GNL3L: variants seen among roughly 807,000 people sequenced by gnomAD.
The protein encoded by GNL3L is guanine nucleotide-binding protein-like 3-like protein.
Under a neutral mutation model 42.9 loss-of-function variants are expected in GNL3L, and 4 were observed. The ratio of observed to expected loss-of-function variants is 0.09; its 90% CI spans 0.05 to 0.21. The LOEUF (loss-of-function observed/expected upper bound fraction) is 0.21, where lower values mean the gene tolerates loss of function less well. Ranked by LOEUF, GNL3L falls within the 10% of genes least tolerant of loss-of-function variation. The probability of loss-of-function intolerance (pLI) is 1.00; values close to 1 mark genes in which losing one functional copy is unlikely to be tolerated. For missense variants in GNL3L, 412 were observed against 481.7 expected (o/e 0.86, Z 1.36); for synonymous variants, 159 against 176.3 (o/e 0.90, Z 0.78).
chrX:54,584,711 A>G (rs1002698347), intron 16 of GNL3L, among the ~76,000 whole-genome samples: 7 of 112,755 alleles, frequency 6.2e-5, no homozygotes, highest in Non-Finnish European at 1.3e-4. Context: ...CAGTGGTGGG[A>G]TTCCTGGATC....
chrX:54,551,809 T>A, intron 11 of GNL3L, 23 bp from the exon 12 acceptor site: 2 of 1,211,175 alleles, frequency 1.7e-6, no homozygotes, highest in Non-Finnish European at 2.2e-6. Context: ...CCTCATGACT[T>A]CTCTCCTTCC....
At chrX:54,569,818 A>G (rs5915139), downstream of GNL3L, among the ~76,000 whole-genome samples, 39,523 of 111,098 alleles carry the variant, frequency 0.36, 8,471 homozygotes, top group African/African-American at 0.8. Context: ...TGATTTTTGT[A>G]TTACTTAGAA....
chrX:54,613,683 G>T (rs1317649199), intron 16 of GNL3L, among the ~76,000 whole-genome samples: 1 of 110,682 alleles, frequency 9.0e-6, no homozygotes, highest in African/African-American at 3.3e-5. Context: ...CTGTCTTCTG[G>T]GTCTAGCTAC....
chrX:54,629,859 G>A, the GNL3L span, among the ~76,000 whole-genome samples: 4 of 111,532 alleles, frequency 3.6e-5, no homozygotes, highest in Non-Finnish European at 5.7e-5. Context: ...CTGTCTGATC[G>A]AATTCAGCTG....
chrX:54,638,890 T>G, the GNL3L span, among the ~76,000 whole-genome samples: 1 of 111,921 alleles, frequency 8.9e-6, no homozygotes, highest in Admixed American at 9.5e-5. Flanking sequence ...GTCCTCTAGA[T>G]CTAAGGTTCT....
chrX:54,580,636 C>T (rs948841827), intron 16 of GNL3L, among the ~76,000 whole-genome samples: 14 of 111,504 alleles, frequency 1.3e-4, no homozygotes, highest in African/African-American at 2.6e-4. Flanking sequence ...AGTGTTCCTA[C>T]TTCTCCACAT....
chrX:54,595,651 T>C (rs1347339728), intron 16 of GNL3L, among the ~76,000 whole-genome samples: 1 of 111,913 alleles, frequency 8.9e-6, no homozygotes, highest in African/African-American at 3.2e-5. Context: ...ACCTCTTCTT[T>C]AAGGCCAATA....
chrX:54,548,523 G>A, intron 9 of GNL3L, 150 bp downstream of exon 9: 1 of 481,890 alleles, frequency 2.1e-6, no homozygotes, highest in Non-Finnish European at 3.5e-6. Flanking sequence ...TTGGATGGGT[G>A]GGCATCACTG....
chrX:54,602,630 A>T (rs1377322713), intron 16 of GNL3L, among the ~76,000 whole-genome samples: 2 of 110,739 alleles, frequency 1.8e-5, no homozygotes, highest in Non-Finnish European at 3.8e-5. Flanking sequence ...ATTACATAAA[A>T]CTCTTGTCTT....
At chrX:54,534,692 T>C (rs1424349141) in intron 2 of GNL3L, among the ~76,000 whole-genome samples, 1 of 111,843 alleles carries the variant, frequency 8.9e-6, no homozygotes, top group Non-Finnish European at 1.9e-5. Flanking sequence ...GTCTGCTGGT[T>C]ATAAAATGGT....
rs1472549635 is a variant in GNL3L at position 54,530,237 on chromosome X, C to T, written c.-230C>T. The T allele has an allele frequency of 1.0e-5, 1 of 100,407 alleles. No individual in the cohort carries two copies. The highest frequency in any genetic ancestry group is 3.6e-5 in the African/African-American group (1 of 27,854). The allele number at this position is 100,407 out of a possible 1,213,427, so 8.3% of individuals were successfully genotyped here. On this transcript the variant is annotated 5_prime_UTR_variant, in exon 1 of 16. Transcript: ENST00000360845. ...ATCCGGAAGTCGGAGCCTAGCTGCG[C>T]GAGAGTTTCTGCTCGCTCAACCGAG... is the stretch of plus-strand genomic sequence containing the variant.
Position 54,563,846 on chromosome X carries a change from A to G in GNL3L, c.*3244A>G, listed in dbSNP as rs1925342832. 9.0e-6 allele frequency among the ~76,000 whole-genome samples: 1 copy of G among 111,482 alleles called. No homozygotes were observed. Among genetic ancestry groups the G allele is most frequent in the Non-Finnish European group, 1.9e-5 (1 of 53,129 alleles). On this transcript the variant is annotated 3_prime_UTR_variant, in exon 16 of 16. Transcript: ENST00000360845. The stretch of plus-strand genomic sequence containing the variant: ...GGAGTGCAGTTTCTCTACCTACAGC[A>G]TATCTCAAAGGTTTTTTTTAAAAAA...
At chrX:54,582,329 T>G (rs1011780022) in intron 16 of GNL3L, among the ~76,000 whole-genome samples, 20 of 111,832 alleles carry the variant, frequency 1.8e-4, no homozygotes, top group Admixed American at 1.7e-3. Context: ...AATTAGATGT[T>G]GGTGTCATGC....
At chrX:54,636,582 G>A in the GNL3L span, among the ~76,000 whole-genome samples, 1 of 109,706 alleles carries the variant, frequency 9.1e-6, no homozygotes, top group African/African-American at 3.3e-5. Context: ...ATGTCCATGT[G>A]TACTCAATGT....
Position 54,562,650 on chromosome X carries a change from G to A in GNL3L, c.*2048G>A, listed in dbSNP as rs1248504052. Among the ~76,000 whole-genome samples the A allele has an allele frequency of 9.0e-6, 1 of 110,898 alleles. No individual in the cohort carries two copies. Among genetic ancestry groups the A allele is most frequent in the Non-Finnish European group, 1.9e-5 (1 of 52,926 alleles). ...AAAAAGTAATCTCAGAATGTTGGCCGAGCATGGTGGCTCACACCTGTAATC... is the reference window on the plus strand; with the variant it reads ...AAAAAGTAATCTCAGAATGTTGGCCAAGCATGGTGGCTCACACCTGTAATC... On this transcript the variant is annotated 3_prime_UTR_variant, in exon 16 of 16. Transcript: ENST00000360845.
chrX:54,533,705 C>T (rs946376263), intron 2 of GNL3L, among the ~76,000 whole-genome samples: 3 of 110,420 alleles, frequency 2.7e-5, no homozygotes, highest in Admixed American at 9.8e-5. Context: ...TCAAGTGATC[C>T]GCCTGCCTTG....
chrX:54,550,363 T>C (rs1183489240), intron 9 of GNL3L, among the ~76,000 whole-genome samples: 1 of 110,590 alleles, frequency 9.0e-6, no homozygotes, highest in East Asian at 2.9e-4. Context: ...TTTTTTTCTT[T>C]AGGCAATCAG....
the GNL3L span, among the ~76,000 whole-genome samples, chrX:54,642,785 G>A: frequency 6.3e-5 from 7 of 111,525 alleles, no homozygotes; most frequent in African/African-American, 2.3e-4. Context: ...TTGAAATTGC[G>A]TTGCTCATTT....
chrX:54,542,065 C>G (rs531662597), intron 5 of GNL3L, among the ~76,000 whole-genome samples: 80 of 112,030 alleles, frequency 7.1e-4, no homozygotes, highest in South Asian at 6.3e-3. Context: ...GTCAAAGCTA[C>G]TTTTTGGTGG....
Sources: gnomAD v4.1 joint callset for allele counts (sites outside exome capture counted in the v4.1 genomes callset) on GRCh38, gnomAD v4.1.1 for gene constraint, MANE v1.5 for transcripts, NCBI Gene and HGNC (gene_info 2026-07-23, HGNC 2026-07-21) for gene names.